Variants in ISL1 observed in about 807,000 individuals in gnomAD.
ISL1 encodes the protein insulin gene enhancer protein ISL-1.
A neutral mutation model predicts 35.3 loss-of-function variants in ISL1; 4 were observed. That is an observed-to-expected ratio of 0.11 (90% CI 0.06 to 0.26). The LOEUF is 0.26. Among genes scored for constraint, ISL1 ranks in the 10% least tolerant of loss-of-function variants. The pLI is 1.00. For missense variants in ISL1, 340 were observed against 472.8 expected (o/e 0.72, Z 2.60); for synonymous variants, 186 against 172.3 (o/e 1.08, Z -0.62).
chr5:51,391,490 T>C (rs201878440), intron 5 of ISL1, 49 bp downstream of exon 5: 2 of 1,603,208 alleles, frequency 1.2e-6, no homozygotes, highest in East Asian at 4.5e-5. Context: ...AACAGGAGAC[T>C]CTGGTTTAAC....
chr5:51,384,404 A>C, intron 1 of ISL1, 137 bp from the exon 2 acceptor site: 1 of 174,464 alleles, frequency 5.7e-6, no homozygotes. Context: ...GCAATGCTCT[A>C]AAAAAAAAAA....
In ISL1 at chr5:51,387,464, C is replaced by A; in HGVS notation, c.219-26C>A. 1 of 1,613,166 alleles carries A rather than the reference C, an allele frequency of 6.2e-7. No homozygotes were observed. Among genetic ancestry groups the A allele is most frequent in the Non-Finnish European group, 8.5e-7 (1 of 1,179,636 alleles). On this transcript the variant is annotated intron_variant, in intron 2 of 5. Transcript: ENST00000230658. This position sits in a 1 kb window ranked among gnomAD's most constrained non-coding sequence, Gnocchi z 4.3. ...GTACTTCTCTCCCCGCTCTGGGCCG[C>A]CTCCGCTCCCCCCTCCCCCGCACAG...
intron 5 of ISL1, among the ~76,000 whole-genome samples, chr5:51,392,231 C>T (rs1235918905): frequency 6.6e-6 from 1 of 152,094 alleles, no homozygotes; most frequent in African/African-American, 2.4e-5. Flanking sequence ...TTTTTGCCTA[C>T]AAAAGGCTTA....
In ISL1 at chr5:51,389,263, A is replaced by T. The variant is rs921830613; in HGVS notation, c.479-383A>T. Among the ~76,000 whole-genome samples, 5 of 152,094 alleles carry T rather than the reference A, an allele frequency of 3.3e-5. No homozygotes were observed. The highest frequency in any genetic ancestry group is 1.2e-4 in the African/African-American group (5 of 41,416). ...AGTCTGGGCACAAGGAAAGGTGAGA[A>T]TGGAGGAGAAACAGTGCTGAAAAAT... On this transcript the variant is annotated intron_variant, in intron 3 of 5. Coordinates refer to ENST00000230658, the MANE Select transcript of ISL1 (RefSeq NM_002202.3). This position sits in a 1 kb window ranked among gnomAD's most constrained non-coding sequence, Gnocchi z 5.0.
In ISL1 at chr5:51,389,472, C is replaced by G. The variant is rs1028817352; in HGVS notation, c.479-174C>G. Among the ~76,000 whole-genome samples, 1 of 150,200 alleles carries G rather than the reference C, an allele frequency of 6.7e-6. No homozygotes were observed. The highest frequency in any genetic ancestry group is 6.6e-5 in the Admixed American group (1 of 15,124). The stretch of plus-strand genomic sequence containing the variant: ...CTCTTCGCCCCCACCTCTGCCGCCC[C>G]CTGCTTTGTGTGCTGAGGCTGCAAA... On this transcript the variant is annotated intron_variant, in intron 3 of 5. Coordinates refer to ENST00000230658, the MANE Select transcript of ISL1 (RefSeq NM_002202.3). The surrounding 1 kb of genome is among the most constrained non-coding windows in gnomAD (Gnocchi z 5.0).
At chr5:51,388,393 T>A (rs1439937133) in intron 3 of ISL1, among the ~76,000 whole-genome samples, 1 of 152,254 alleles carries the variant, frequency 6.6e-6, no homozygotes, top group Non-Finnish European at 1.5e-5. Context: ...CCTGCTTCTT[T>A]AAATCATTCA....
chr5:51,387,577 C>A lies in ISL1; in HGVS notation c.306C>A (p.Ile102=). Residue 102 remains isoleucine (I), a synonymous_variant, in exon 3 of 6, where the codon ATC becomes ATA. Coordinates refer to ENST00000230658, the MANE Select transcript of ISL1 (RefSeq NM_002202.3). This position sits in a 1 kb window ranked among gnomAD's most constrained non-coding sequence, Gnocchi z 4.3. ...VMRARSKVYH[I]ECFRCVACSR... is the part of the protein sequence containing the mutation. ...GTGCCCGCTCCAAGGTGTATCACAT[C>A]GAGTGTTTCCGCTGTGTGGCCTGCA... The A allele has an allele frequency of 1.2e-6, 2 of 1,614,246 alleles. No homozygotes were observed. Among genetic ancestry groups the A allele is most frequent in the South Asian group, 1.1e-5 (1 of 91,090 alleles).
rs1328313567 is a variant in ISL1 at position 51,383,462 on chromosome 5, C to T, written c.-210C>T. 8.1e-6 allele frequency: 5 copies of T among 619,150 alleles called. No individual in the cohort carries two copies. Among genetic ancestry groups the T allele is most frequent in the African/African-American group, 3.7e-5 (2 of 54,164 alleles). 38.4% of individuals were successfully genotyped at this position (619,150 alleles called of 1,614,324 possible). ...CGAGCCGCGCCGAGTCTGCCGCCGC[C>T]GCAGCGCCTCCGCTCCGCCAACTCC... On this transcript the variant is annotated 5_prime_UTR_variant, in exon 1 of 6. Coordinates refer to ENST00000230658, the MANE Select transcript of ISL1 (RefSeq NM_002202.3).
chr5:51,389,970 G>C lies in ISL1; in HGVS notation c.765+38G>C. 3 of 1,606,344 alleles carry C rather than the reference G, an allele frequency of 1.9e-6. No homozygotes were observed. Among genetic ancestry groups the C allele is most frequent in the Non-Finnish European group, 2.6e-6 (3 of 1,174,528 alleles). On this transcript the variant is annotated intron_variant, in intron 4 of 5. Coordinates refer to ENST00000230658, the MANE Select transcript of ISL1 (RefSeq NM_002202.3). The surrounding 1 kb of genome is among the most constrained non-coding windows in gnomAD (Gnocchi z 5.0). ...GGGGCCGGGCAGGGAATGCGAGGGG[G>C]AAGGAGACGCAGCGTGCGAGGTGCG...
chr5:51,384,058 A>G (rs557431636), intron 1 of ISL1, among the ~76,000 whole-genome samples: 1 of 152,282 alleles, frequency 6.6e-6, no homozygotes, highest in South Asian at 2.1e-4. Context: ...TAGACTTGCA[A>G]AAGAGAACGA....
At chr5:51,386,376 CTGTGTGTG>C (rs3138746) in intron 2 of ISL1, 17,831 of 262,304 alleles carry the variant, frequency 0.068, 493 homozygotes, top group African/African-American at 0.12. Flanking sequence ...TCTCTCAACT[CTGTGTGTG>C]TGTGTGTGTG....
In ISL1 at chr5:51,384,676, G is replaced by A. The variant is rs1747300891; in HGVS notation, c.164G>A (p.Ser55Asn). Residue 55 changes from serine to asparagine, a missense_variant, in exon 2 of 6, where the codon AGC (serine) becomes AAC (asparagine). Physicochemically the swap from Ser to Asn is conservative, Grantham distance 46. This residue lies in a region of ISL1 where 70 missense variants were observed against 130.3 expected (regional missense o/e 0.54). Transcript: ENST00000230658. ...GAGTGTAATCAGTATTTGGACGAGA[G>A]CTGTACATGCTTTGTTAGGGATGGG... ...CAECNQYLDESCTCFVRDGKT... is the reference protein window; with the variant it reads ...CAECNQYLDENCTCFVRDGKT... The A allele has an allele frequency of 6.2e-7, 1 of 1,614,066 alleles. No individual in the cohort carries two copies. The highest frequency in any genetic ancestry group is 8.5e-7 in the Non-Finnish European group (1 of 1,180,026).
At chr5:51,386,219 G>A (rs1314096920) in intron 2 of ISL1, 1 of 158,390 alleles carries the variant, frequency 6.3e-6, no homozygotes, top group Non-Finnish European at 1.4e-5. Flanking sequence ...GTAAACGCAA[G>A]ATTCTAGAGA....
rs1554037325 is a variant in ISL1, at chr5:51,384,415, A to AAG, written c.29-125_29-124insGA. Reference sequence around the variant, plus strand: ...AAGTGCAATGCTCTAAAAAAAAAAAAAAAGAAAGAAAGAAAGAAAGAAAAA... The same window carrying AAG: ...AAGTGCAATGCTCTAAAAAAAAAAAAAGAAAGAAAGAAAGAAAGAAAGAAAAA... On this transcript the variant is annotated intron_variant, in intron 1 of 5. Coordinates refer to ENST00000230658, the MANE Select transcript of ISL1 (RefSeq NM_002202.3). 4.7e-5 allele frequency: 37 copies of AAG among 782,912 alleles called. No homozygotes were observed. In the East Asian group the frequency reaches 8.0e-4, roughly 17 times the overall value. The allele number at this position is 782,912 out of a possible 1,614,324, so 48.5% of individuals were successfully genotyped here.
intron 4 of ISL1, among the ~76,000 whole-genome samples, chr5:51,390,446 G>C (rs535478760): frequency 6.6e-6 from 1 of 152,036 alleles, no homozygotes; most frequent in Admixed American, 6.5e-5. Context: ...CTTCAGGCTG[G>C]CGAGTTCCCC....
intron 2 of ISL1, among the ~76,000 whole-genome samples, chr5:51,385,235 G>A (rs2111836634): frequency 6.6e-6 from 1 of 152,274 alleles, no homozygotes; most frequent in East Asian, 1.9e-4. Context: ...AGCGAGTACA[G>A]GTATTGCTCC....
chr5:51,384,610 C>T lies in ISL1; in HGVS notation c.98C>T (p.Ser33Phe). 1.2e-6 allele frequency: 2 copies of T among 1,614,072 alleles called. No homozygotes were observed. The highest frequency in any genetic ancestry group is 1.7e-6 in the Non-Finnish European group (2 of 1,180,004). Residue 33 changes from serine to phenylalanine, a missense_variant, in exon 2 of 6, where the codon TCT (serine) becomes TTT (phenylalanine). Ser to Phe is a radical substitution (Grantham distance 155, BLOSUM62 -2). Transcript: ENST00000230658. ...CACGATCAGTATATTCTGAGGGTTTCTCCGGATTTGGAATGGCATGCGGCA... is the reference window on the plus strand; with the variant it reads ...CACGATCAGTATATTCTGAGGGTTTTTCCGGATTTGGAATGGCATGCGGCA... ...QIHDQYILRV[S>F]PDLEWHAACL...
chr5:51,388,043 A>G (rs1342335044), intron 3 of ISL1, among the ~76,000 whole-genome samples: 1 of 152,212 alleles, frequency 6.6e-6, no homozygotes, highest in Non-Finnish European at 1.5e-5. Flanking sequence ...CATTACTTCC[A>G]GTTCGCTCTG....
intron 5 of ISL1, 67 bp from the exon 6 acceptor site, chr5:51,393,427 T>C (rs1747563038): frequency 2.3e-6 from 2 of 876,118 alleles, no homozygotes; most frequent in Admixed American, 1.7e-5. Flanking sequence ...TACAATATGA[T>C]GAGTTTATAA....
Sources: allele counts gnomAD v4.1 joint callset (sites outside exome capture counted in the v4.1 genomes callset), GRCh38; gene constraint gnomAD v4.1.1; regional missense constraint gnomAD v4.1.1; non-coding constraint Gnocchi (gnomAD v3.1); transcripts MANE v1.5; gene names NCBI Gene and HGNC (gene_info 2026-07-23, HGNC 2026-07-21).